The following KBTBD11 variants were observed in gnomAD, a reference collection of about 807,000 sequenced individuals.
KBTBD11 encodes kelch repeat and BTB domain-containing protein 11.
For missense variants in KBTBD11, 1,390 were observed against 1,001.8 expected (o/e 1.39, Z -5.23); for synonymous variants, 747 against 499.0 (o/e 1.50, Z -6.63).
chr8:1,977,622 C>T (rs1816392967), intron 1 of KBTBD11, among the ~76,000 whole-genome samples: 1 of 152,166 alleles, frequency 6.6e-6, no homozygotes, highest in South Asian at 2.1e-4. Flanking sequence ...CTCCAGGGTT[C>T]AAGCAATTCT....
intron 1 of KBTBD11, among the ~76,000 whole-genome samples, chr8:1,996,802 T>G (rs1210699738): frequency 2.0e-5 from 3 of 152,196 alleles, no homozygotes; most frequent in African/African-American, 7.2e-5. Context: ...TTTTAATTTG[T>G]ATTAATCGTA....
intron 1 of KBTBD11, among the ~76,000 whole-genome samples, chr8:1,978,219 G>A (rs946268923): frequency 2.6e-5 from 4 of 152,168 alleles, no homozygotes; most frequent in Non-Finnish European, 2.9e-5. Flanking sequence ...TCATCATTCA[G>A]CTCCCACTTA....
chr8:1,978,787 A>G (rs1430128254), intron 1 of KBTBD11, among the ~76,000 whole-genome samples: 1 of 152,138 alleles, frequency 6.6e-6, no homozygotes, highest in Non-Finnish European at 1.5e-5. Flanking sequence ...CACTAAGGTC[A>G]TGTCCCTTCC....
At chr8:1,983,671 T>C (rs906755917) in intron 1 of KBTBD11, among the ~76,000 whole-genome samples, 5 of 152,176 alleles carry the variant, frequency 3.3e-5, no homozygotes, top group Non-Finnish European at 7.4e-5. Flanking sequence ...TTGAAATGTG[T>C]TACCTATAGG....
chr8:1,982,467 G>A (rs1326848263), intron 1 of KBTBD11, among the ~76,000 whole-genome samples: 1 of 149,142 alleles, frequency 6.7e-6, no homozygotes, highest in East Asian at 2.0e-4. Context: ...GTGCATGAAT[G>A]GGTTAAAAAA....
intron 1 of KBTBD11, among the ~76,000 whole-genome samples, chr8:1,988,508 C>G (rs1051340356): frequency 6.6e-6 from 1 of 152,168 alleles, no homozygotes; most frequent in Non-Finnish European, 1.5e-5. Context: ...TTTCATGTGT[C>G]TGTCGGCTGC....
intron 1 of KBTBD11, among the ~76,000 whole-genome samples, chr8:1,994,083 C>T (rs958096759): frequency 1.3e-5 from 2 of 152,062 alleles, no homozygotes; most frequent in Admixed American, 6.5e-5. Context: ...CTTCGTTTAC[C>T]GGCCTACGGA....
chr8:1,977,961 A>T (rs148332367), intron 1 of KBTBD11, among the ~76,000 whole-genome samples: 1 of 152,236 alleles, frequency 6.6e-6, no homozygotes, highest in Non-Finnish European at 1.5e-5. Context: ...TGGTGGTTCA[A>T]TAAGCCATGC....
At chr8:1,989,984 A>G (rs1816852625) in intron 1 of KBTBD11, among the ~76,000 whole-genome samples, 1 of 133,744 alleles carries the variant, frequency 7.5e-6, no homozygotes, top group Non-Finnish European at 1.5e-5. Context: ...AGACAGAGGA[A>G]GAGAGGAGAA....
intron 1 of KBTBD11, chr8:1,974,382 A>G: frequency 2.0e-6 from 2 of 984,516 alleles, no homozygotes; most frequent in Non-Finnish European, 2.4e-6. Context: ...AAGCAGGAGC[A>G]GAAGCCGAAG....
At position 2,001,932 on chromosome 8, in the gene KBTBD11, G is replaced by A. The variant is rs1462242648; in HGVS notation, c.740G>A (p.Arg247Gln). Residue 247 changes from arginine (R) to glutamine (Q), a missense_variant, in exon 2 of 2, where the codon CGG becomes CAG. Physicochemically the swap from Arg to Gln is conservative, Grantham distance 43. Transcript: ENST00000320248. ...GTCCTGAGCGCGGCCAAGCGGCAGC[G>A]GCTGAACGAGCTGCGCGACGCCGCC... is the stretch of plus-strand genomic sequence containing the variant. ...YEVLSAAKRQ[R>Q]LNELRDAAYC... The A allele has an allele frequency of 6.8e-7, 1 of 1,467,238 alleles. No individual in the cohort carries two copies. The highest frequency in any genetic ancestry group is 9.0e-7 in the Non-Finnish European group (1 of 1,105,586). The allele number at this position is 1,467,238 out of a possible 1,614,324, so 90.9% of individuals were successfully genotyped here.
chr8:1,993,922 T>TACACACACACACCCACAC (rs1817031879), intron 1 of KBTBD11, among the ~76,000 whole-genome samples: 1 of 139,692 alleles, frequency 7.2e-6, no homozygotes, highest in Non-Finnish European at 1.5e-5. Flanking sequence ...CAATACCCCC[T>TACACACACACACCCACAC]ACACACACAC....
At chr8:1,998,828 G>C (rs531024931) in intron 1 of KBTBD11, among the ~76,000 whole-genome samples, 2 of 152,204 alleles carry the variant, frequency 1.3e-5, no homozygotes, top group African/African-American at 4.8e-5. Context: ...GCAGTCTTCA[G>C]GGCTGGTGCC....
Position 2,006,085 on chromosome 8 carries a change from A to C in KBTBD11, c.*3021A>C, listed in dbSNP as rs190494785. On this transcript the variant is annotated 3_prime_UTR_variant, in exon 2 of 2. Transcript: ENST00000320248. ...CACCGACTTCTGCTGTAAGAAAATGAATGTTGTGGAAATTCTTTGGCTACT... is the reference window on the plus strand; with the variant it reads ...CACCGACTTCTGCTGTAAGAAAATGCATGTTGTGGAAATTCTTTGGCTACT... The C allele has an allele frequency of 6.0e-6, 1 of 167,198 alleles. No individual in the cohort carries two copies. Among genetic ancestry groups the C allele is most frequent in the Non-Finnish European group, 1.5e-5 (1 of 68,108 alleles). The allele number at this position is 167,198 out of a possible 1,614,324, so 10.4% of individuals were successfully genotyped here.
At position 2,003,276 on chromosome 8, in the gene KBTBD11, C is replaced by G; in HGVS notation, c.*212C>G. On this transcript the variant is annotated 3_prime_UTR_variant, in exon 2 of 2. Transcript: ENST00000320248. The stretch of plus-strand genomic sequence containing the variant: ...CTTCTGGGGGTGGATGCCTTGAGAC[C>G]CAGGAGGTGTGCGGATGGGTCCCTT... The G allele has an allele frequency of 7.1e-6, 5 of 702,018 alleles. No individual in the cohort carries two copies. Among genetic ancestry groups the G allele is most frequent in the Non-Finnish European group, 1.0e-5 (5 of 495,624 alleles). 43.5% of individuals were successfully genotyped at this position (702,018 alleles called of 1,614,324 possible).
chr8:1,984,888 C>T (rs2129310585), intron 1 of KBTBD11, among the ~76,000 whole-genome samples: 1 of 152,288 alleles, frequency 6.6e-6, no homozygotes, highest in East Asian at 1.9e-4. Flanking sequence ...GCCTTCTCGG[C>T]TGTTATCTGA....
At chr8:1,996,170 G>A (rs10092437) in intron 1 of KBTBD11, among the ~76,000 whole-genome samples, 65,886 of 152,228 alleles carry the variant, frequency 0.43, 15,888 homozygotes, top group East Asian at 0.78. Flanking sequence ...TGGTGCTGAT[G>A]GAGGCCATGT....
At position 2,002,728 on chromosome 8, in the gene KBTBD11, C is replaced by A; in HGVS notation, c.1536C>A (p.Gly512=). ...GCTTCGATCTGAGCGGCAGCCGCGG[C>A]GAGGCGCAGGCGGCGGGGCCGAGCG... is the stretch of plus-strand genomic sequence containing the variant. ...IYRFDLSGSR[G]EAQAAGPSGV... The change falls in exon 2 of 2, where the codon GGC becomes GGA. Residue 512 remains glycine, a synonymous_variant. Transcript: ENST00000320248. This position sits in a 1 kb window ranked among gnomAD's most constrained non-coding sequence, Gnocchi z 4.1. 1 of 1,508,752 alleles carries A rather than the reference C, an allele frequency of 6.6e-7. No individual in the cohort carries two copies. The highest frequency in any genetic ancestry group is 8.8e-7 in the Non-Finnish European group (1 of 1,135,764). 93.5% of individuals were successfully genotyped at this position (1,508,752 alleles called of 1,614,324 possible).
chr8:1,977,604 A>G (rs574682087), intron 1 of KBTBD11, among the ~76,000 whole-genome samples: 3 of 151,956 alleles, frequency 2.0e-5, no homozygotes, highest in East Asian at 3.9e-4. Flanking sequence ...GCTCACGGCA[A>G]CCTCCGCCTC....
Sources: allele counts gnomAD v4.1 joint callset (sites outside exome capture counted in the v4.1 genomes callset), GRCh38; gene constraint gnomAD v4.1.1; non-coding constraint Gnocchi (gnomAD v3.1); transcripts MANE v1.5; gene names NCBI Gene and HGNC (gene_info 2026-07-23, HGNC 2026-07-21).